ANKRD30B: variants seen among roughly 807,000 people sequenced by gnomAD.
ANKRD30B encodes ankyrin repeat domain-containing protein 30B.
In ANKRD30B, 144 loss-of-function variants were observed where a neutral mutation model predicts 202.2. The observed-to-expected ratio is 0.71, with a 90% CI of 0.62 to 0.82. The LOEUF (loss-of-function observed/expected upper bound fraction) is 0.82. Among genes scored for constraint, ANKRD30B ranks in the 40% least tolerant of loss-of-function variants. ANKRD30B has a pLI of 0.00. For synonymous variants in ANKRD30B, 508 were observed against 561.3 expected (o/e 0.91, Z 1.34); for missense variants, 1,487 against 1,669.1 (o/e 0.89, Z 1.90).
intron 39 of ANKRD30B, among the ~76,000 whole-genome samples, chr18:14,843,772 G>C (rs534541703): frequency 2.0e-5 from 3 of 151,964 alleles, no homozygotes; most frequent in Admixed American, 1.3e-4. Flanking sequence ...CCAGCCTAGG[G>C]GACAGAGCGA....
chr18:14,926,817 C>T, the ANKRD30B span, among the ~76,000 whole-genome samples: 15 of 151,990 alleles, frequency 9.9e-5, no homozygotes, highest in Admixed American at 2.0e-4. Context: ...GTCTTAGCTG[C>T]TTGGAAGGTT....
At chr18:14,790,242 A>G (rs1264224514) in intron 15 of ANKRD30B, among the ~76,000 whole-genome samples, 1 of 152,128 alleles carries the variant, frequency 6.6e-6, no homozygotes, top group African/African-American at 2.4e-5. Flanking sequence ...TTGATTTTGT[A>G]TCCTGAGATT....
At chr18:14,867,210 G>A in the ANKRD30B span, among the ~76,000 whole-genome samples, 4 of 150,800 alleles carry the variant, frequency 2.7e-5, no homozygotes, top group East Asian at 2.0e-4. Context: ...GGACACTATC[G>A]AGTGTCCACC....
Position 14,764,049 on chromosome 18 carries a change from C to T in ANKRD30B, c.1184C>T (p.Ala395Val). 6.4e-7 allele frequency: 1 copy of T among 1,551,696 alleles called. No individual in the cohort carries two copies. The highest frequency in any genetic ancestry group is 8.7e-7 in the Non-Finnish European group (1 of 1,155,810). ...GAAAAAGGAACATCTAATATGATTG[C>T]ATGTCCTACAAAAGAAACATCTACA... The part of the protein sequence containing the change: ...VLEKGTSNMI[A>V]CPTKETSTKA... The change falls in exon 7 of 44, where the codon GCA (alanine) becomes GTA (valine). Residue 395 changes from alanine to valine, a missense_variant. By Grantham distance (64) the Ala-to-Val change is moderately conservative. This residue lies in a region of ANKRD30B where 889 missense variants were observed against 841.4 expected (regional missense o/e 1.06). Transcript: ENST00000690538.
chr18:14,883,359 C>A, the ANKRD30B span, among the ~76,000 whole-genome samples: 1 of 93,478 alleles, frequency 1.1e-5, no homozygotes, highest in Non-Finnish European at 2.2e-5. Context: ...TTCTCTCTCT[C>A]TGTCTGTCTG....
intron 14 of ANKRD30B, among the ~76,000 whole-genome samples, chr18:14,785,380 T>G (rs1490120287): frequency 6.6e-6 from 1 of 152,214 alleles, no homozygotes; most frequent in Non-Finnish European, 1.5e-5. Context: ...ACTGTGTTTT[T>G]AAATATTAGG....
intron 9 of ANKRD30B, among the ~76,000 whole-genome samples, chr18:14,775,968 A>T (rs775212967): frequency 1.2e-4 from 18 of 152,270 alleles, no homozygotes; most frequent in Non-Finnish European, 2.5e-4. Flanking sequence ...ACAAATGTGA[A>T]AACATTTTTT....
At chr18:14,836,453 A>G (rs1842853525) in intron 34 of ANKRD30B, among the ~76,000 whole-genome samples, 1 of 151,776 alleles carries the variant, frequency 6.6e-6, no homozygotes, top group African/African-American at 2.4e-5. Context: ...CTAATTTTGT[A>G]TTTTCTGCCT....
At chr18:14,821,451 A>T (rs923513967) in intron 30 of ANKRD30B, among the ~76,000 whole-genome samples, 8 of 151,326 alleles carry the variant, frequency 5.3e-5, no homozygotes, top group Non-Finnish European at 1.0e-4. Context: ...TTTAATTGTG[A>T]TGTTAGGGTG....
intron 39 of ANKRD30B, among the ~76,000 whole-genome samples, chr18:14,845,668 T>G (rs1381627594): frequency 2.0e-5 from 3 of 151,896 alleles, no homozygotes; most frequent in Non-Finnish European, 4.4e-5. Flanking sequence ...TCTGATGTTT[T>G]AGTTCTCTTT....
At chr18:14,835,096 A>C (rs2143125796) in intron 34 of ANKRD30B, among the ~76,000 whole-genome samples, 1 of 152,014 alleles carries the variant, frequency 6.6e-6, no homozygotes, top group Non-Finnish European at 1.5e-5. Context: ...AGTATAAATA[A>C]GCATTTTATT....
chr18:14,798,911 C>T (rs57761037), intron 20 of ANKRD30B, among the ~76,000 whole-genome samples, 190 bp from the exon 21 acceptor site: 9,505 of 152,104 alleles, frequency 0.062, 1,042 homozygotes, highest in African/African-American at 0.22. Flanking sequence ...TCCATAGCAA[C>T]AGTTTCAGGG....
chr18:14,926,830 G>A, the ANKRD30B span, among the ~76,000 whole-genome samples: 248 of 152,136 alleles, frequency 1.6e-3, 1 homozygote, highest in Middle Eastern at 6.8e-3. Context: ...GGAAGGTTGA[G>A]GTGAGAGGAT....
rs1476542725 is a variant in ANKRD30B, at chr18:14,840,643, A to C, written c.3044A>C (p.Gln1015Pro). Reference protein sequence around the residue: ...NYECLPEATYQKEIKTTNGKI... With the variant: ...NYECLPEATYPKEIKTTNGKI... The stretch of plus-strand genomic sequence containing the variant: ...GAGTGTTTACCTGAGGCTACATATC[A>C]AAAAGAAATAAAGACAACAAATGGC... The change falls in exon 37 of 44, where the codon CAA becomes CCA. Residue 1015 changes from glutamine (Q) to proline (P), a missense_variant. Gln to Pro is a moderately conservative substitution (Grantham distance 76). Coordinates refer to ENST00000690538, the MANE Select transcript of ANKRD30B (RefSeq NM_001367607.2). 2 of 1,536,520 alleles carry C rather than the reference A, an allele frequency of 1.3e-6. No individual in the cohort carries two copies. Among genetic ancestry groups the C allele is most frequent in the Non-Finnish European group, 1.8e-6 (2 of 1,138,004 alleles).
the ANKRD30B span, among the ~76,000 whole-genome samples, chr18:14,882,821 A>AT: frequency 6.6e-6 from 1 of 151,634 alleles, no homozygotes; most frequent in Non-Finnish European, 1.5e-5. Flanking sequence ...GGATTGTCAT[A>AT]TTTTTCTGTT....
chr18:14,817,994 T>G (rs1450684228), intron 30 of ANKRD30B, among the ~76,000 whole-genome samples: 1 of 152,108 alleles, frequency 6.6e-6, no homozygotes, highest in Non-Finnish European at 1.5e-5. Context: ...CAATCATCTC[T>G]GAAGGGAAAC....
At chr18:14,831,624 T>G (rs1482819246) in intron 34 of ANKRD30B, among the ~76,000 whole-genome samples, 169 bp downstream of exon 34, 2 of 152,162 alleles carry the variant, frequency 1.3e-5, no homozygotes, top group African/African-American at 4.8e-5. Flanking sequence ...TTAAACAGTT[T>G]TTTTTTTGTT....
intron 1 of ANKRD30B, 58 bp from the exon 2 acceptor site, chr18:14,752,508 G>A (rs755026678): frequency 3.4e-5 from 44 of 1,286,732 alleles, no homozygotes; most frequent in African/African-American, 3.0e-5. Context: ...TACCTAAATC[G>A]TTGTATGTTT....
intron 30 of ANKRD30B, among the ~76,000 whole-genome samples, chr18:14,818,809 C>G (rs1230230217): frequency 6.6e-6 from 1 of 152,014 alleles, no homozygotes; most frequent in Non-Finnish European, 1.5e-5. Context: ...GTGAATAATG[C>G]TGCAATAAAC....
Sources: gnomAD v4.1 joint callset for allele counts (sites outside exome capture counted in the v4.1 genomes callset) on GRCh38, gnomAD v4.1.1 for gene constraint, gnomAD v4.1.1 regional missense constraint, MANE v1.5 for transcripts, NCBI Gene and HGNC (gene_info 2026-07-23, HGNC 2026-07-21) for gene names.